Variants in ARPP21 observed in about 807,000 individuals in gnomAD.
ARPP21 encodes the protein cAMP-regulated phosphoprotein 21.
In ARPP21, 69 loss-of-function variants were observed where a neutral mutation model predicts 113.2. That is an observed-to-expected ratio of 0.61 (90% CI 0.50 to 0.74). The LOEUF (loss-of-function observed/expected upper bound fraction) is 0.74, where lower values mean the gene tolerates loss of function less well. Among genes scored for constraint, ARPP21 ranks in the 30% least tolerant of loss-of-function variants. The pLI is 0.00. For missense variants in ARPP21, 1,070 were observed against 1,037.4 expected (o/e 1.03, Z -0.43); for synonymous variants, 368 against 375.5 (o/e 0.98, Z 0.23).
chr3:35,743,476 C>T (rs1372189443), intron 18 of ARPP21, among the ~76,000 whole-genome samples: 3 of 152,128 alleles, frequency 2.0e-5, no homozygotes, highest in Non-Finnish European at 2.9e-5. Flanking sequence ...TACCTGTGTT[C>T]CCCACATGGC....
rs10662640 is a variant in ARPP21 at position 35,766,831 on chromosome 3, ATG to A, written c.2137+22886_2137+22887del. Among the ~76,000 whole-genome samples, 491 of 149,478 alleles carry A rather than the reference ATG, an allele frequency of 3.3e-3. 2 individuals carry two copies. Among genetic ancestry groups the A allele is most frequent in the African/African-American group, 5.0e-3 (205 of 40,972 alleles). On this transcript the variant is annotated intron_variant, in intron 19 of 20. Transcript: ENST00000684406. ...CAATTAAGAAGCTCATATTATACATATGTGTGTGTGTGTGTGTGTGTACATGA... is the reference window on the plus strand; with the variant it reads ...CAATTAAGAAGCTCATATTATACATATGTGTGTGTGTGTGTGTGTACATGA...
At chr3:35,746,981 T>C (rs901220165) in intron 19 of ARPP21, among the ~76,000 whole-genome samples, 2 of 152,112 alleles carry the variant, frequency 1.3e-5, no homozygotes, top group Non-Finnish European at 2.9e-5. Context: ...GTACTCTTCA[T>C]CCGATCAGCA....
At chr3:35,701,103 CAATT>C (rs2086205942) in intron 9 of ARPP21, among the ~76,000 whole-genome samples, 1 of 151,520 alleles carries the variant, frequency 6.6e-6, no homozygotes, top group Non-Finnish European at 1.5e-5. Flanking sequence ...TCAATGGAAT[CAATT>C]TGGTGGAATC....
At chr3:35,665,854 T>C (rs1169792078) in intron 1 of ARPP21, among the ~76,000 whole-genome samples, 1 of 152,182 alleles carries the variant, frequency 6.6e-6, no homozygotes, top group Non-Finnish European at 1.5e-5. Context: ...TTAGTTAGTG[T>C]ATGCACAATA....
intron 9 of ARPP21, among the ~76,000 whole-genome samples, chr3:35,700,422 T>A (rs903305548): frequency 5.3e-5 from 8 of 151,762 alleles, no homozygotes; most frequent in Admixed American, 2.6e-4. Flanking sequence ...ATGGTTGTTT[T>A]AAGGGAGTGG....
Position 35,733,118 on chromosome 3 carries a change from G to A in ARPP21, c.1459+3582G>A, listed in dbSNP as rs1456038093. The stretch of plus-strand genomic sequence containing the variant: ...TGCTTTGGTGTTCAAAACCAAGAGC[G>A]CATGATTACTTCACTTCTTGTGTGA... On this transcript the variant is annotated intron_variant, in intron 15 of 20. Transcript: ENST00000684406. 3.3e-5 allele frequency among the ~76,000 whole-genome samples: 5 copies of A among 151,728 alleles called. No homozygotes were observed. The South Asian group carries it at 6.2e-4, about 19-fold the overall frequency.
intron 9 of ARPP21, among the ~76,000 whole-genome samples, chr3:35,705,064 T>C (rs959691695): frequency 2.0e-5 from 3 of 152,110 alleles, no homozygotes; most frequent in Admixed American, 1.3e-4. Flanking sequence ...ATTTAGAAGT[T>C]AGTAAATCAT....
chr3:35,661,152 A>G (rs1707610943), intron 1 of ARPP21, among the ~76,000 whole-genome samples: 1 of 152,180 alleles, frequency 6.6e-6, no homozygotes, highest in African/African-American at 2.4e-5. Flanking sequence ...TTACCTGTAC[A>G]ATTGAAACTG....
intron 1 of ARPP21, among the ~76,000 whole-genome samples, chr3:35,667,957 GAAGAAGAAGAAGAAGAA>G (rs2075077930): frequency 3.0e-5 from 1 of 33,692 alleles, no homozygotes; most frequent in African/African-American, 1.1e-4. Flanking sequence ...AAAAGAAGAA[GAAGAAGAAGAAGAAGAA>G]GAAGAAGAAG....
intron 19 of ARPP21, among the ~76,000 whole-genome samples, chr3:35,776,056 AAT>A (rs2096355588): frequency 6.6e-6 from 1 of 152,220 alleles, no homozygotes; most frequent in Non-Finnish European, 1.5e-5. Context: ...AACATTTCAA[AAT>A]ATGTCTGTTT....
At chr3:35,675,284 T>C (rs1164088618) in intron 1 of ARPP21, among the ~76,000 whole-genome samples, 2 of 151,730 alleles carry the variant, frequency 1.3e-5, no homozygotes, top group African/African-American at 4.8e-5. Context: ...TTATGGAAGT[T>C]TAGGCCATTT....
intron 19 of ARPP21, among the ~76,000 whole-genome samples, chr3:35,756,621 C>T (rs993611610): frequency 6.6e-6 from 1 of 152,034 alleles, no homozygotes; most frequent in African/African-American, 2.4e-5. Flanking sequence ...AGATGTCAGC[C>T]GACATCATGA....
intron 9 of ARPP21, among the ~76,000 whole-genome samples, chr3:35,702,598 C>T (rs2086839365): frequency 6.6e-6 from 1 of 151,654 alleles, no homozygotes; most frequent in Admixed American, 6.6e-5. Context: ...CATTCCTCTG[C>T]TTATATATAC....
At chr3:35,752,201 A>G (rs1470234895) in intron 19 of ARPP21, among the ~76,000 whole-genome samples, 2 of 151,990 alleles carry the variant, frequency 1.3e-5, no homozygotes, top group Non-Finnish European at 2.9e-5. Context: ...CAGGGAATGT[A>G]TATCCTGTTT....
At chr3:35,761,387 T>C (rs1320543920) in intron 19 of ARPP21, among the ~76,000 whole-genome samples, 1 of 152,060 alleles carries the variant, frequency 6.6e-6, no homozygotes, top group Non-Finnish European at 1.5e-5. Context: ...ACAAATCTAT[T>C]CATAAGACCT....
At chr3:35,706,217 G>A (rs2088948351) in intron 9 of ARPP21, among the ~76,000 whole-genome samples, 2 of 152,052 alleles carry the variant, frequency 1.3e-5, no homozygotes. Context: ...TGAGTTCTGT[G>A]GTCTGCAATG....
At chr3:35,767,930 A>T (rs2096044739) in intron 19 of ARPP21, among the ~76,000 whole-genome samples, 1 of 152,018 alleles carries the variant, frequency 6.6e-6, no homozygotes, top group African/African-American at 2.4e-5. Flanking sequence ...CATCATCCCC[A>T]TCATTCAGGT....
intron 19 of ARPP21, among the ~76,000 whole-genome samples, chr3:35,775,626 A>G (rs2096339116): frequency 1.3e-5 from 2 of 152,200 alleles, no homozygotes; most frequent in Non-Finnish European, 2.9e-5. Context: ...TTTGTGTTTT[A>G]TTAAAACAAA....
chr3:35,788,012 A>G (rs1259354014), intron 19 of ARPP21, among the ~76,000 whole-genome samples: 1 of 152,212 alleles, frequency 6.6e-6, no homozygotes, highest in Non-Finnish European at 1.5e-5. Context: ...TCATAACAAG[A>G]GCTTAATTCA....
Sources: allele counts gnomAD v4.1 joint callset (sites outside exome capture counted in the v4.1 genomes callset), GRCh38; gene constraint gnomAD v4.1.1; transcripts MANE v1.5; gene names NCBI Gene and HGNC (gene_info 2026-07-23, HGNC 2026-07-21).